Variants in MIPOL1 observed in about 807,000 individuals in gnomAD.
MIPOL1 encodes the protein mirror-image polydactyly gene 1 protein.
MIPOL1 carries 57 observed loss-of-function variants against 60.9 expected under a neutral mutation model. The observed-to-expected ratio is 0.94, with a 90% CI of 0.76 to 1.17. The LOEUF is 1.17. Among genes scored for constraint, MIPOL1 ranks in the 50% most tolerant of loss-of-function variants. The pLI, the probability that MIPOL1 is intolerant of heterozygous loss-of-function variation, is 0.00. For synonymous variants in MIPOL1, 179 were observed against 168.8 expected (o/e 1.06, Z -0.47); for missense variants, 551 against 511.6 (o/e 1.08, Z -0.74).
intron 4 of MIPOL1, among the ~76,000 whole-genome samples, 167 bp from the exon 5 acceptor site, chr14:37,268,491 G>T (rs749796572): frequency 2.6e-5 from 4 of 152,072 alleles, no homozygotes; most frequent in Non-Finnish European, 4.4e-5. Flanking sequence ...AAATTTACCT[G>T]TGCTTACAAA....
chr14:37,520,604 C>T (rs1050678218), intron 12 of MIPOL1, among the ~76,000 whole-genome samples: 5 of 152,186 alleles, frequency 3.3e-5, no homozygotes, highest in Admixed American at 3.3e-4. Flanking sequence ...ACCTTTCTTG[C>T]CTCTTGAATC....
At chr14:37,374,095 ATC>A (rs1566467859) in intron 10 of MIPOL1, among the ~76,000 whole-genome samples, 1 of 152,160 alleles carries the variant, frequency 6.6e-6, no homozygotes, top group African/African-American at 2.4e-5. Flanking sequence ...ATGAGATGGT[ATC>A]TCATTGTGGT....
chr14:37,241,796 A>G (rs1209348429), intron 1 of MIPOL1, among the ~76,000 whole-genome samples: 1 of 152,134 alleles, frequency 6.6e-6, no homozygotes, highest in Non-Finnish European at 1.5e-5. Context: ...TTCTGAGACA[A>G]TTGTAAATAG....
At chr14:37,246,970 C>A (rs1296966808) in intron 1 of MIPOL1, 133 bp from the exon 2 acceptor site, 2 of 152,136 alleles carry the variant, frequency 1.3e-5, no homozygotes, top group East Asian at 3.9e-4. Context: ...ACTGTATTTT[C>A]TACATGTCTT....
rs538495401 is a variant in MIPOL1 at position 37,204,061 on chromosome 14, C to T, written c.-199+5957C>T. Among the ~76,000 whole-genome samples the T allele has an allele frequency of 5.9e-5, 9 of 152,096 alleles. No individual in the cohort carries two copies. In the South Asian group the frequency reaches 1.2e-3, roughly 21 times the overall value. On this transcript the variant is annotated intron_variant, in intron 1 of 12. Transcript: ENST00000684589. ...CCTCTCAAAGTGCTGGGATTACAGA[C>T]GTGAGCCACTGCGCCCAGCCCCCTC...
intron 10 of MIPOL1, among the ~76,000 whole-genome samples, chr14:37,394,456 C>G (rs1312468444): frequency 6.6e-6 from 1 of 151,994 alleles, no homozygotes; most frequent in Non-Finnish European, 1.5e-5. Flanking sequence ...TATGGCTATT[C>G]TTGCAGGAGT....
intron 1 of MIPOL1, among the ~76,000 whole-genome samples, chr14:37,217,499 A>G (rs1967941959): frequency 6.6e-6 from 1 of 152,204 alleles, no homozygotes; most frequent in African/African-American, 2.4e-5. Context: ...ATTCTCAACA[A>G]AATACTAAAA....
At chr14:37,204,417 A>T (rs1327543904) in intron 1 of MIPOL1, among the ~76,000 whole-genome samples, 1 of 152,140 alleles carries the variant, frequency 6.6e-6, no homozygotes, top group African/African-American at 2.4e-5. Flanking sequence ...CTCATCTTGA[A>T]TTGTAGCTGC....
chr14:37,221,560 A>G (rs1968757123), intron 1 of MIPOL1, among the ~76,000 whole-genome samples: 1 of 152,182 alleles, frequency 6.6e-6, no homozygotes, highest in Non-Finnish European at 1.5e-5. Flanking sequence ...AGACTTCAGG[A>G]AACCAACAGT....
intron 12 of MIPOL1, among the ~76,000 whole-genome samples, chr14:37,510,997 A>G (rs997137137): frequency 3.9e-5 from 6 of 152,138 alleles, no homozygotes; most frequent in Non-Finnish European, 8.8e-5. Context: ...ATTTAATTAC[A>G]TTTAGAAGAC....
intron 9 of MIPOL1, among the ~76,000 whole-genome samples, chr14:37,335,977 A>G (rs886392584): frequency 2.0e-5 from 3 of 152,080 alleles, no homozygotes; most frequent in African/African-American, 7.2e-5. Context: ...TGACAAATCC[A>G]ATGTCATGAA....
intron 12 of MIPOL1, among the ~76,000 whole-genome samples, chr14:37,527,168 C>CT (rs1372991073): frequency 6.6e-6 from 1 of 151,210 alleles, no homozygotes; most frequent in Non-Finnish European, 1.5e-5. Flanking sequence ...AATAAATTAG[C>CT]TTTTTATTAT....
At chr14:37,392,625 A>T (rs994218020) in intron 10 of MIPOL1, among the ~76,000 whole-genome samples, 2 of 152,126 alleles carry the variant, frequency 1.3e-5, no homozygotes, top group African/African-American at 4.8e-5. Flanking sequence ...AGTATTCAGG[A>T]TTTCACCTTA....
At chr14:37,491,523 T>C (rs1235081372) in intron 11 of MIPOL1, among the ~76,000 whole-genome samples, 1 of 151,834 alleles carries the variant, frequency 6.6e-6, no homozygotes, top group East Asian at 1.9e-4. Context: ...AGCAAGACTC[T>C]GTCTCAAAAA....
intron 6 of MIPOL1, among the ~76,000 whole-genome samples, chr14:37,282,238 A>ATATTATTAT (rs71124802): frequency 0.15 from 21,276 of 146,234 alleles, 1,737 homozygotes; most frequent in South Asian, 0.26. Context: ...TATTGCAGTA[A>ATATTATTAT]TATTATTATT....
At chr14:37,484,451 A>T (rs1594643175) in intron 11 of MIPOL1, among the ~76,000 whole-genome samples, 1 of 148,134 alleles carries the variant, frequency 6.8e-6, no homozygotes, top group African/African-American at 2.5e-5. Flanking sequence ...AATTCTCCTG[A>T]CTCAGTCTCC....
intron 7 of MIPOL1, among the ~76,000 whole-genome samples, chr14:37,303,260 A>C (rs1056849850): frequency 6.6e-6 from 1 of 151,902 alleles, no homozygotes; most frequent in Non-Finnish European, 1.5e-5. Flanking sequence ...AGTCAATTAC[A>C]CATTGTCAGA....
intron 6 of MIPOL1, among the ~76,000 whole-genome samples, chr14:37,284,112 C>T (rs2084352303): frequency 6.6e-6 from 1 of 151,968 alleles, no homozygotes; most frequent in East Asian, 1.9e-4. Flanking sequence ...AACATTAAAC[C>T]TCCTGATATA....
At chr14:37,319,129 C>T (rs1011313933) in intron 9 of MIPOL1, among the ~76,000 whole-genome samples, 5 of 152,064 alleles carry the variant, frequency 3.3e-5, no homozygotes, top group African/African-American at 9.7e-5. Flanking sequence ...GCATGAGTCA[C>T]TGCACCTGGT....
Sources: allele counts gnomAD v4.1 joint callset (sites outside exome capture counted in the v4.1 genomes callset), GRCh38; gene constraint gnomAD v4.1.1; transcripts MANE v1.5; gene names NCBI Gene and HGNC (gene_info 2026-07-23, HGNC 2026-07-21).